The following LRRCC1 variants were observed in gnomAD, a reference collection of about 807,000 sequenced individuals.
LRRCC1 encodes leucine rich repeat and coiled-coil centrosomal protein 1, also known as leucine-rich repeat and coiled-coil domain-containing protein 1.
LRRCC1 carries 115 observed loss-of-function variants against 126.0 expected under a neutral mutation model. The observed-to-expected ratio is 0.91, with a 90% CI of 0.78 to 1.07. The LOEUF (loss-of-function observed/expected upper bound fraction) is 1.07, where lower values mean the gene tolerates loss of function less well. Among genes scored for constraint, LRRCC1 ranks in the 50% least tolerant of loss-of-function variants. The probability of loss-of-function intolerance (pLI) is 0.00; values close to 1 mark genes in which losing one functional copy is unlikely to be tolerated. For synonymous variants in LRRCC1, 400 were observed against 393.4 expected, an observed-to-expected ratio of 1.02 and a Z score of -0.20; for missense variants, 1,172 against 1,175.7, an observed-to-expected ratio of 1.00 and a Z score of 0.05.
chr8:85,141,005 G>A (rs1189608889), intron 17 of LRRCC1, among the ~76,000 whole-genome samples: 1 of 152,098 alleles, frequency 6.6e-6, no homozygotes, highest in Non-Finnish European at 1.5e-5. Context: ...GCCAGAGGTT[G>A]CCTTGAGCCA....
chr8:85,107,537 T>C, intron 1 of LRRCC1, 138 bp downstream of exon 1: 1 of 679,686 alleles, frequency 1.5e-6, no homozygotes, highest in Non-Finnish European at 2.3e-6. Context: ...GCTTTCGGCC[T>C]CCCCGCTCCT....
rs1195002010 is a variant in LRRCC1, at chr8:85,124,003, T to G, written c.1124+397T>G. On this transcript the variant is annotated intron_variant, in intron 7 of 18. Coordinates refer to ENST00000360375, the MANE Select transcript of LRRCC1 (RefSeq NM_033402.5). ...GGGAAATAAGACTAGTACACCTGAG[T>G]CTACATGACTAGCCTTTTCTCTCTT... Among the ~76,000 whole-genome samples the G allele has an allele frequency of 2.0e-5, 3 of 152,218 alleles. No individual in the cohort carries two copies. In the East Asian group the frequency reaches 5.8e-4, roughly 29 times the overall value.
intron 6 of LRRCC1, among the ~76,000 whole-genome samples, chr8:85,120,035 C>T (rs1045798825): frequency 5.3e-5 from 8 of 152,076 alleles, no homozygotes; most frequent in Non-Finnish European, 1.0e-4. Context: ...ATTTGTCATT[C>T]TGTAGATATG....
chr8:85,128,116 A>G (rs1563945714), intron 9 of LRRCC1, among the ~76,000 whole-genome samples: 1 of 152,116 alleles, frequency 6.6e-6, no homozygotes, highest in Non-Finnish European at 1.5e-5. Context: ...GTTGTTTTTA[A>G]TTTCAATTTA....
At chr8:85,118,991 T>C (rs1809319420) in intron 6 of LRRCC1, among the ~76,000 whole-genome samples, 1 of 152,296 alleles carries the variant, frequency 6.6e-6, no homozygotes, top group African/African-American at 2.4e-5. Flanking sequence ...GTTTTACCTT[T>C]TGCATTTAGA....
At chr8:85,125,297 T>C (rs1259922642) in intron 8 of LRRCC1, among the ~76,000 whole-genome samples, 1 of 152,112 alleles carries the variant, frequency 6.6e-6, no homozygotes, top group Non-Finnish European at 1.5e-5. Context: ...GAAGCCTATT[T>C]TTACACTCAA....
At chr8:85,142,727 G>A (rs1347229240) in intron 18 of LRRCC1, among the ~76,000 whole-genome samples, 3 of 151,922 alleles carry the variant, frequency 2.0e-5, no homozygotes, top group Admixed American at 6.6e-5. Context: ...CTATTTGGGA[G>A]GCTGAGGTCA....
intron 9 of LRRCC1, 61 bp from the exon 10 acceptor site, chr8:85,129,114 A>T: frequency 7.9e-7 from 1 of 1,260,578 alleles, no homozygotes; most frequent in Non-Finnish European, 1.1e-6. Context: ...CATTGAAGTC[A>T]ACAATTTTAT....
In LRRCC1 at chr8:85,134,858, T is replaced by C; in HGVS notation, c.1980T>C (p.Gly660=). The change falls in exon 13 of 19, where the codon GGT becomes GGC. Residue 660 remains glycine (G), a synonymous_variant. Transcript: ENST00000360375. ...EARRFQDVKD[G]FENVATELAK... The stretch of plus-strand genomic sequence containing the variant: ...ATTTTGGAATATAGGTTAAAGATGG[T>C]TTTGAAAATGTTGCAACTGAGTTAG... 1 of 1,571,508 alleles carries C rather than the reference T, an allele frequency of 6.4e-7. No individual in the cohort carries two copies. The highest frequency in any genetic ancestry group is 8.6e-7 in the Non-Finnish European group (1 of 1,169,082).
intron 17 of LRRCC1, among the ~76,000 whole-genome samples, chr8:85,140,043 G>A (rs1288547331): frequency 6.6e-6 from 1 of 152,042 alleles, no homozygotes; most frequent in African/African-American, 2.4e-5. Flanking sequence ...TTACAATTAG[G>A]AGTCTTTGAG....
chr8:85,139,433 T>G (rs1183546354), intron 17 of LRRCC1, among the ~76,000 whole-genome samples: 1 of 151,990 alleles, frequency 6.6e-6, no homozygotes, highest in African/African-American at 2.4e-5. Flanking sequence ...CCCAGCTAAT[T>G]TTTTGTATTT....
At position 85,129,354 on chromosome 8, in the gene LRRCC1, A is replaced by C. The variant is rs774322630; in HGVS notation, c.1601A>C (p.Gln534Pro). The C allele has an allele frequency of 1.9e-6, 3 of 1,610,940 alleles. No homozygotes were observed. The highest frequency in any genetic ancestry group is 2.5e-6 in the Non-Finnish European group (3 of 1,179,088). The change falls in exon 10 of 19, where the codon CAA (glutamine) becomes CCA (proline). Residue 534 changes from glutamine (Q) to proline (P), a missense_variant. By Grantham distance (76) the Gln-to-Pro change is moderately conservative. Transcript: ENST00000360375. ...LEKTLEKMER[Q>P]KRQQQAAQIR... ...AAAACATTAGAAAAAATGGAGAGACAAAAAAGGCAGCAGCAGGCAGCACAG... is the reference window on the plus strand; with the variant it reads ...AAAACATTAGAAAAAATGGAGAGACCAAAAAGGCAGCAGCAGGCAGCACAG...
chr8:85,111,331 C>T (rs1273009215), intron 3 of LRRCC1, among the ~76,000 whole-genome samples: 1 of 152,120 alleles, frequency 6.6e-6, no homozygotes, highest in Non-Finnish European at 1.5e-5. Flanking sequence ...GAGCTGAGAT[C>T]GCAGCATTGC....
Position 85,137,628 on chromosome 8 carries a change from G to A in LRRCC1, c.2493+1G>A, listed in dbSNP as rs1704359504. ...TGAAACTATTAGAAAATTAAAAGATGTAAGTTTGACATTTTATTTTGGTTA... is the reference window on the plus strand; with the variant it reads ...TGAAACTATTAGAAAATTAAAAGATATAAGTTTGACATTTTATTTTGGTTA... On this transcript the variant is annotated splice_donor_variant, in intron 15 of 18. Coordinates refer to ENST00000360375, the MANE Select transcript of LRRCC1 (RefSeq NM_033402.5). LOFTEE classifies it high-confidence loss of function. 5.6e-6 allele frequency: 8 copies of A among 1,434,396 alleles called. No homozygotes were observed. The highest frequency in any genetic ancestry group is 3.0e-5 in the African/African-American group (2 of 67,786). The allele number at this position is 1,434,396 out of a possible 1,614,324, so 88.9% of individuals were successfully genotyped here.
intron 17 of LRRCC1, among the ~76,000 whole-genome samples, chr8:85,138,722 G>C (rs1227834997): frequency 6.6e-6 from 1 of 152,128 alleles, no homozygotes; most frequent in Non-Finnish European, 1.5e-5. Context: ...GAATTATCTA[G>C]TTCTTAGAAC....
At chr8:85,134,038 G>A (rs981899956) in intron 12 of LRRCC1, among the ~76,000 whole-genome samples, 10 of 152,010 alleles carry the variant, frequency 6.6e-5, no homozygotes, top group African/African-American at 2.4e-4. Context: ...AATGTATCAG[G>A]CACATTCCTG....
intron 11 of LRRCC1, among the ~76,000 whole-genome samples, chr8:85,130,440 C>A (rs1810385082): frequency 6.6e-6 from 1 of 151,916 alleles, no homozygotes; most frequent in Non-Finnish European, 1.5e-5. Flanking sequence ...CCGCGCCTGG[C>A]CCCCACCACC....
At chr8:85,128,652 T>C (rs1810201960) in intron 9 of LRRCC1, among the ~76,000 whole-genome samples, 2 of 152,170 alleles carry the variant, frequency 1.3e-5, no homozygotes, top group African/African-American at 4.8e-5. Flanking sequence ...CTACTAAAAA[T>C]GCCTTGCCTG....
intron 12 of LRRCC1, among the ~76,000 whole-genome samples, chr8:85,133,408 C>A (rs1029545694): frequency 3.3e-5 from 5 of 152,168 alleles, no homozygotes; most frequent in Admixed American, 6.5e-5. Context: ...AATTCCTTTT[C>A]TTTTCTATAC....
Sources: gnomAD v4.1 joint callset for allele counts (sites outside exome capture counted in the v4.1 genomes callset) on GRCh38, gnomAD v4.1.1 for gene constraint, MANE v1.5 for transcripts, NCBI Gene and HGNC (gene_info 2026-07-23, HGNC 2026-07-21) for gene names.